HLCS: variants seen among roughly 807,000 people sequenced by gnomAD.
HLCS encodes holocarboxylase synthetase.
Under a neutral mutation model 75.0 loss-of-function variants are expected in HLCS, and 53 were observed. The ratio of observed to expected loss-of-function variants is 0.71; its 90% CI spans 0.57 to 0.89. The LOEUF (loss-of-function observed/expected upper bound fraction) is 0.89, where lower values mean the gene tolerates loss of function less well. Among genes scored for constraint, HLCS ranks in the 40% least tolerant of loss-of-function variants. The pLI is 0.00. For synonymous variants in HLCS, 431 were observed against 428.6 expected (o/e 1.01, Z -0.07); for missense variants, 966 against 1,074.0 (o/e 0.90, Z 1.41).
At chr21:36,819,916 C>T (rs2061775267) in intron 6 of HLCS, among the ~76,000 whole-genome samples, 1 of 152,158 alleles carries the variant, frequency 6.6e-6, no homozygotes, top group African/African-American at 2.4e-5. Context: ...AGTAAAAATG[C>T]TTGTTAAATG....
intron 6 of HLCS, among the ~76,000 whole-genome samples, chr21:36,889,634 C>G (rs2064690113): frequency 6.6e-6 from 1 of 152,140 alleles, no homozygotes; most frequent in African/African-American, 2.4e-5. Flanking sequence ...CTTCCCTAGA[C>G]CCCATCACCA....
At chr21:36,795,004 A>G (rs1569020684) in intron 6 of HLCS, among the ~76,000 whole-genome samples, 1 of 151,942 alleles carries the variant, frequency 6.6e-6, no homozygotes, top group Non-Finnish European at 1.5e-5. Flanking sequence ...CTGGAGTGGG[A>G]GGGAGAGGTC....
At chr21:36,788,956 G>T (rs1023848040) in intron 6 of HLCS, among the ~76,000 whole-genome samples, 2 of 152,198 alleles carry the variant, frequency 1.3e-5, no homozygotes, top group African/African-American at 4.8e-5. Flanking sequence ...GTTAGTAACT[G>T]AGAATCTTGA....
intron 6 of HLCS, among the ~76,000 whole-genome samples, chr21:36,843,489 C>T (rs968167127): frequency 1.3e-4 from 15 of 113,886 alleles, no homozygotes; most frequent in African/African-American, 4.7e-4. Flanking sequence ...AAAGAAGTAT[C>T]TGTTGAGATA....
At chr21:36,925,020 G>C (rs1477637568) in intron 5 of HLCS, among the ~76,000 whole-genome samples, 1 of 152,102 alleles carries the variant, frequency 6.6e-6, no homozygotes, top group Admixed American at 6.5e-5. Context: ...AGAAGGGCCT[G>C]TACCCGTTTT....
At chr21:36,902,556 A>G (rs1424390774) in intron 5 of HLCS, among the ~76,000 whole-genome samples, 1 of 152,256 alleles carries the variant, frequency 6.6e-6, no homozygotes, top group Admixed American at 6.5e-5. Context: ...CCACAGCTGC[A>G]GGGAGGTGGG....
chr21:36,794,061 T>G (rs1334305484), intron 6 of HLCS, among the ~76,000 whole-genome samples: 1 of 152,234 alleles, frequency 6.6e-6, no homozygotes, highest in East Asian at 1.9e-4. Context: ...TGGGTTACGC[T>G]TGGCTCATTC....
At chr21:36,953,057 T>C (rs753458890) in intron 2 of HLCS, among the ~76,000 whole-genome samples, 1 of 152,166 alleles carries the variant, frequency 6.6e-6, no homozygotes, top group Non-Finnish European at 1.5e-5. Context: ...TTCTGTACAA[T>C]GAAATGGGAG....
chr21:36,762,545 G>C (rs57661928), intron 8 of HLCS, among the ~76,000 whole-genome samples: 21,136 of 152,180 alleles, frequency 0.14, 2,991 homozygotes, highest in African/African-American at 0.36. Flanking sequence ...TTAGGGACCA[G>C]TTGGGGTCCT....
chr21:36,952,691 T>C (rs1040176742), intron 2 of HLCS, among the ~76,000 whole-genome samples: 2 of 146,850 alleles, frequency 1.4e-5, no homozygotes, highest in Non-Finnish European at 3.0e-5. Flanking sequence ...CCCGGGAGGC[T>C]GAGGCAGGAG....
At chr21:36,814,154 A>T (rs1175640387) in intron 6 of HLCS, among the ~76,000 whole-genome samples, 2 of 152,100 alleles carry the variant, frequency 1.3e-5, no homozygotes, top group Non-Finnish European at 2.9e-5. Flanking sequence ...CCCCAAACAC[A>T]CTACAACCTA....
At chr21:36,817,243 C>T (rs1014552457) in intron 6 of HLCS, among the ~76,000 whole-genome samples, 1 of 152,190 alleles carries the variant, frequency 6.6e-6, no homozygotes, top group African/African-American at 2.4e-5. Context: ...TTTACTCGCA[C>T]TTGGAATTAC....
intron 1 of HLCS, among the ~76,000 whole-genome samples, chr21:36,985,371 G>A (rs375154626): frequency 2.0e-5 from 3 of 152,180 alleles, no homozygotes; most frequent in Non-Finnish European, 2.9e-5. Context: ...GGTGGCTCAC[G>A]CCTGTAATCC....
chr21:36,979,917 T>C (rs2069061870), intron 1 of HLCS, among the ~76,000 whole-genome samples: 1 of 149,168 alleles, frequency 6.7e-6, no homozygotes, highest in Non-Finnish European at 1.5e-5. Context: ...TAGCCAGGCA[T>C]GGTGGTGTGT....
chr21:36,921,394 G>A (rs868536224), intron 5 of HLCS, among the ~76,000 whole-genome samples: 1 of 151,916 alleles, frequency 6.6e-6, no homozygotes, highest in Admixed American at 6.6e-5. Flanking sequence ...GCAGTGAGCC[G>A]AGATCGTGCC....
At chr21:36,910,978 C>T (rs928384293) in intron 5 of HLCS, among the ~76,000 whole-genome samples, 1 of 152,206 alleles carries the variant, frequency 6.6e-6, no homozygotes, top group Non-Finnish European at 1.5e-5. Flanking sequence ...GAAACCAGTC[C>T]ATTTTCACAA....
At chr21:36,937,413 A>G (rs1167520899) in intron 3 of HLCS, 21 bp from the exon 4 acceptor site, 1 of 1,591,128 alleles carries the variant, frequency 6.3e-7, no homozygotes, top group East Asian at 2.2e-5. Context: ...AATAGGAGAG[A>G]GAGACAGAAA....
intron 6 of HLCS, among the ~76,000 whole-genome samples, chr21:36,836,366 G>A (rs1211061454): frequency 6.6e-6 from 1 of 151,920 alleles, no homozygotes; most frequent in Non-Finnish European, 1.5e-5. Context: ...CAATGTGCAG[G>A]TTAGTTACAT....
At chr21:36,953,051 G>C (rs947238499) in intron 2 of HLCS, among the ~76,000 whole-genome samples, 1 of 152,158 alleles carries the variant, frequency 6.6e-6, no homozygotes, top group Non-Finnish European at 1.5e-5. Context: ...ACAAAGTTCT[G>C]TACAATGAAA....
Sources: gnomAD v4.1 joint callset for allele counts (sites outside exome capture counted in the v4.1 genomes callset) on GRCh38, gnomAD v4.1.1 for gene constraint, MANE v1.5 for transcripts, NCBI Gene and HGNC (gene_info 2026-07-23, HGNC 2026-07-21) for gene names.